Variants in F7 observed in about 807,000 individuals in gnomAD.
The protein encoded by F7 is coagulation factor VII.
In F7, 38 loss-of-function variants were observed where a neutral mutation model predicts 47.5. The observed-to-expected ratio is 0.80, with a 90% CI of 0.62 to 1.05. F7 has a LOEUF of 1.05. Ranked by LOEUF, F7 falls within the 50% of genes least tolerant of loss-of-function variation. The probability of loss-of-function intolerance (pLI) is 0.00; values close to 1 mark genes in which losing one functional copy is unlikely to be tolerated. For missense variants in F7, 575 were observed against 605.4 expected, an observed-to-expected ratio of 0.95 and a Z score of 0.53; for synonymous variants, 244 against 258.5, an observed-to-expected ratio of 0.94 and a Z score of 0.54.
chr13:113,118,679 A>C lies in F7; in HGVS notation c.1006A>C (p.Met336Leu), dbSNP rs928183869. ...CCGTGGCGCCACGGCCCTGGAGCTC[A>C]TGGTCCTCAACGTGCCCCGGCTGAT... is the stretch of plus-strand genomic sequence containing the variant. ...LDRGATALEL[M>L]VLNVPRLMTQ... Residue 336 changes from methionine (M) to leucine (L), a missense_variant, in exon 8 of 8, where the codon ATG (methionine) becomes CTG (leucine). Physicochemically the swap from Met to Leu is conservative, Grantham distance 15. Transcript: ENST00000346342. 1 of 1,612,842 alleles carries C rather than the reference A, an allele frequency of 6.2e-7. No homozygotes were observed. Among genetic ancestry groups the C allele is most frequent in the African/African-American group, 1.3e-5 (1 of 75,030 alleles).
At chr13:113,106,040 G>C in intron 1 of F7, 135 bp downstream of exon 1, 1 of 697,032 alleles carries the variant, frequency 1.4e-6, no homozygotes, top group Non-Finnish European at 2.3e-6. Context: ...GGCGGCTCCT[G>C]TTCAATTTCT....
chr13:113,118,638 G>A lies in F7; in HGVS notation c.965G>A (p.Trp322Ter). ...AFVRFSLVSGWGQLLDRGATA... is the reference protein window; with the variant it reads ...AFVRFSLVSG ...GTGCGCTTCTCATTGGTCAGCGGCT[G>A]GGGCCAGCTGCTGGACCGTGGCGCC... Residue 322 changes from tryptophan (W) to a stop codon, truncating the protein, a stop_gained, in exon 8 of 8, where the codon TGG becomes TAG. Transcript: ENST00000346342. LOFTEE classifies it high-confidence loss of function. 3 of 1,612,934 alleles carry A rather than the reference G, an allele frequency of 1.9e-6. No individual in the cohort carries two copies. Among genetic ancestry groups the A allele is most frequent in the Non-Finnish European group, 2.5e-6 (3 of 1,179,982 alleles).
intron 1 of F7, chr13:113,107,006 G>T (rs1041984878): frequency 1.2e-5 from 16 of 1,382,170 alleles, no homozygotes; most frequent in Non-Finnish European, 1.5e-5. Context: ...CCGCGGGGTG[G>T]CTACTGCAGT....
At chr13:113,116,523 C>T (rs986312795) in intron 5 of F7, among the ~76,000 whole-genome samples, 1 of 152,258 alleles carries the variant, frequency 6.6e-6, no homozygotes, top group Non-Finnish European at 1.5e-5. Flanking sequence ...CCAAAACCAG[C>T]CCTGACCATT....
At chr13:113,116,939 C>A in intron 6 of F7, 64 bp downstream of exon 6, 1 of 1,334,896 alleles carries the variant, frequency 7.5e-7, no homozygotes, top group Non-Finnish European at 1.1e-6. Flanking sequence ...TGAATGTGAA[C>A]AACAGCTCTG....
chr13:113,110,999 TC>T (rs2036082629), intron 2 of F7, 149 bp downstream of exon 2: 1 of 912,336 alleles, frequency 1.1e-6, no homozygotes. Flanking sequence ...GGGGTCGCTT[TC>T]CGCCCGGGGT....
In F7 at chr13:113,110,713, C is replaced by T. The variant is rs376971927; in HGVS notation, c.88C>T (p.His30Tyr). 76 of 1,548,664 alleles carry T rather than the reference C, an allele frequency of 4.9e-5. No individual in the cohort carries two copies. In the African/African-American group the frequency reaches 9.0e-4, roughly 18 times the overall value. Residue 30 changes from histidine (H) to tyrosine (Y), a missense_variant, in exon 2 of 8, where the codon CAC becomes TAC. Transcript: ENST00000346342. ...AAVFVTQEEAHGVLHRRRRAN... is the reference protein window; with the variant it reads ...AAVFVTQEEAYGVLHRRRRAN... The stretch of plus-strand genomic sequence containing the variant: ...AGTCTTCGTAACCCAGGAGGAAGCC[C>T]ACGGCGTCCTGCACCGGCGCCGGCG...
At chr13:113,105,942 A>C (rs1217662209) in intron 1 of F7, 37 bp downstream of exon 1, 2 of 1,549,834 alleles carry the variant, frequency 1.3e-6, no homozygotes, top group South Asian at 1.2e-5. Context: ...AACTTGGTGG[A>C]AGGGCAGTGG....
At position 113,118,879 on chromosome 13, in the gene F7, G is replaced by C; in HGVS notation, c.1206G>C (p.Trp402Cys). Reference sequence around the variant, plus strand: ...GGTACCTGACGGGCATCGTCAGCTGGGGCCAGGGCTGCGCAACCGTGGGCC... The same window carrying C: ...GGTACCTGACGGGCATCGTCAGCTGCGGCCAGGGCTGCGCAACCGTGGGCC... Reference protein sequence around the residue: ...GTWYLTGIVSWGQGCATVGHF... With the variant: ...GTWYLTGIVSCGQGCATVGHF... The change falls in exon 8 of 8, where the codon TGG (tryptophan) becomes TGC (cysteine). Residue 402 changes from tryptophan (W) to cysteine (C), a missense_variant. Physicochemically the swap from Trp to Cys is radical, Grantham distance 215. Coordinates refer to ENST00000346342, the MANE Select transcript of F7 (RefSeq NM_019616.4). 1 of 1,612,714 alleles carries C rather than the reference G, an allele frequency of 6.2e-7. No homozygotes were observed.
chr13:113,107,265 TGTCCCGGGGG>T (rs2035979783), intron 1 of F7, among the ~76,000 whole-genome samples: 2 of 67,198 alleles, frequency 3.0e-5, no homozygotes. Context: ...GGAGTGTGGG[TGTCCCGGGGG>T]CGTGGGTGTC....
rs3093246 is a variant in F7 at position 113,117,309 on chromosome 13, G to T, written c.616-164G>T. Among the ~76,000 whole-genome samples the T allele has an allele frequency of 5.0e-3, 759 of 152,376 alleles. 5 individuals are homozygous for T. The highest frequency in any genetic ancestry group is 0.018 in the African/African-American group (731 of 41,592). ...GGCTAGAGAGGGGCACAGCCTCCCA[G>T]AGCCAGGTCTGAGCAGCTTTGCCTG... On this transcript the variant is annotated intron_variant, in intron 6 of 7. Transcript: ENST00000346342.
At chr13:113,108,380 G>A (rs1309016244) in intron 1 of F7, among the ~76,000 whole-genome samples, 8 of 84,622 alleles carry the variant, frequency 9.5e-5, no homozygotes, top group Admixed American at 1.2e-4. Flanking sequence ...GTGTCCCGGG[G>A]GTGTGGGTGT....
chr13:113,105,918 A>G lies in F7; in HGVS notation c.64+13A>G. The G allele has an allele frequency of 6.3e-7, 1 of 1,575,492 alleles. No individual in the cohort carries two copies. Among genetic ancestry groups the G allele is most frequent in the Non-Finnish European group, 8.6e-7 (1 of 1,160,290 alleles). On this transcript the variant is annotated intron_variant, in intron 1 of 7. Transcript: ENST00000346342. ...TGCCTGGCTGCAGGTGCGTCCGGGG[A>G]GGTTTTCTCCATAAACTTGGTGGAA...
chr13:113,112,557 TCA>T (rs1208840025), intron 2 of F7, among the ~76,000 whole-genome samples: 1 of 129,766 alleles, frequency 7.7e-6, no homozygotes, highest in Non-Finnish European at 1.6e-5. Flanking sequence ...CACCTCACAC[TCA>T]CAGGACACCT....
intron 1 of F7, among the ~76,000 whole-genome samples, chr13:113,108,720 G>A (rs1445330743): frequency 1.6e-4 from 20 of 122,898 alleles, no homozygotes; most frequent in African/African-American, 2.3e-4. Flanking sequence ...GTGTCCCGGG[G>A]GTCGTGGGTG....
At position 113,110,853 on chromosome 13, in the gene F7, G is replaced by A. The variant is rs1282416076; in HGVS notation, c.225+3G>A. Reference sequence around the variant, plus strand: ...TCTTCAAGGACGCGGAGAGGACGGTGAGCCCAGCCTCGGGGCGCCCCGCGC... The same window carrying A: ...TCTTCAAGGACGCGGAGAGGACGGTAAGCCCAGCCTCGGGGCGCCCCGCGC... On this transcript the variant is annotated splice_donor_region_variant and intron_variant, in intron 2 of 7. Coordinates refer to ENST00000346342, the MANE Select transcript of F7 (RefSeq NM_019616.4). The A allele has an allele frequency of 1.9e-6, 3 of 1,557,848 alleles. No homozygotes were observed. Among genetic ancestry groups the A allele is most frequent in the Non-Finnish European group, 2.6e-6 (3 of 1,151,590 alleles).
At chr13:113,115,941 C>T in intron 5 of F7, 141 bp downstream of exon 5, 1 of 1,294,108 alleles carries the variant, frequency 7.7e-7, no homozygotes, top group East Asian at 2.5e-5. Context: ...GAGGTGGGAT[C>T]TGGGCACCAA....
intron 5 of F7, among the ~76,000 whole-genome samples, chr13:113,116,313 C>G (rs1461761345): frequency 1.3e-5 from 2 of 152,248 alleles, no homozygotes; most frequent in African/African-American, 2.4e-5. Flanking sequence ...GCCTGGGACT[C>G]AGCCTGCCAC....
rs376480781 is a variant in F7, at chr13:113,117,556, C to T, written c.699C>T (p.Phe233=). 26 of 1,614,108 alleles carry T rather than the reference C, an allele frequency of 1.6e-5. No homozygotes were observed. The highest frequency in any genetic ancestry group is 1.5e-4 in the African/African-American group (11 of 75,042). The change falls in exon 7 of 8, where the codon TTC becomes TTT. Residue 233 remains phenylalanine, a synonymous_variant. Coordinates refer to ENST00000346342, the MANE Select transcript of F7 (RefSeq NM_019616.4). ...TIWVVSAAHC[F]DKIKNWRNLI... ...GGGTGGTCTCCGCGGCCCACTGTTTCGACAAAATCAAGAACTGGAGGAACC... is the reference window on the plus strand; with the variant it reads ...GGGTGGTCTCCGCGGCCCACTGTTTTGACAAAATCAAGAACTGGAGGAACC...
Sources: gnomAD v4.1 joint callset for allele counts (sites outside exome capture counted in the v4.1 genomes callset) on GRCh38, gnomAD v4.1.1 for gene constraint, MANE v1.5 for transcripts, NCBI Gene and HGNC (gene_info 2026-07-23, HGNC 2026-07-21) for gene names.